Variants in ASPM observed in about 807,000 individuals in gnomAD.
ASPM encodes assembly factor for spindle microtubules, also known as abnormal spindle-like microcephaly-associated protein.
Under a neutral mutation model 366.4 loss-of-function variants are expected in ASPM, and 256 were observed. That is an observed-to-expected ratio of 0.70 (90% confidence interval 0.63 to 0.77). The LOEUF (loss-of-function observed/expected upper bound fraction) is 0.77, where lower values mean the gene tolerates loss of function less well. Among genes scored for constraint, ASPM ranks in the 30% least tolerant of loss-of-function variants. The pLI is 0.00. For synonymous variants in ASPM, 1,414 were observed against 1,342.9 expected, an observed-to-expected ratio of 1.05 and a Z score of -1.16; for missense variants, 4,146 against 4,090.4, an observed-to-expected ratio of 1.01 and a Z score of -0.37.
At chr1:197,108,976 A>C (rs1657497515) in intron 17 of ASPM, among the ~76,000 whole-genome samples, 1 of 150,628 alleles carries the variant, frequency 6.6e-6, no homozygotes, top group Non-Finnish European at 1.5e-5. Context: ...GTCTCCAAAA[A>C]AAAAAAAAAA....
At position 197,090,303 on chromosome 1, in the gene ASPM, C is replaced by T; in HGVS notation, c.9722G>A (p.Arg3241Lys). The T allele has an allele frequency of 6.2e-7, 1 of 1,612,884 alleles. No individual in the cohort carries two copies. Among genetic ancestry groups the T allele is most frequent in the Non-Finnish European group, 8.5e-7 (1 of 1,179,292 alleles). ...AIRLSLQVVNREIREENKLYK... is the reference protein window; with the variant it reads ...AIRLSLQVVNKEIREENKLYK... ...GAGTTTGTTTTCTTCTCGAATCTCC[C>T]TATTAACAACTTGAAGACTTAGTCG... The change falls in exon 24 of 28, where the codon AGG (arginine) becomes AAG (lysine). Residue 3241 changes from arginine to lysine, a missense_variant. By Grantham distance (26) the Arg-to-Lys change is conservative. Transcript: ENST00000367409.
In ASPM at chr1:197,129,971, T is replaced by C. The variant is rs1658211899; in HGVS notation, c.2573A>G (p.Asn858Ser). 6.2e-7 allele frequency: 1 copy of C among 1,613,866 alleles called. No homozygotes were observed. Among genetic ancestry groups the C allele is most frequent in the Admixed American group, 1.7e-5 (1 of 59,998 alleles). Reference sequence around the variant, plus strand: ...TCTATACTCAGCTGCTATATCAGGATTCCAAAGTAGGCGATTCAGAATAAA... The same window carrying C: ...TCTATACTCAGCTGCTATATCAGGACTCCAAAGTAGGCGATTCAGAATAAA... ...AMFILNRLLWNPDIAAEYRHP... is the reference protein window; with the variant it reads ...AMFILNRLLWSPDIAAEYRHP... The change falls in exon 8 of 28, where the codon AAT becomes AGT. Residue 858 changes from asparagine to serine, a missense_variant. By Grantham distance (46) the Asn-to-Ser change is conservative (BLOSUM62 1). This residue lies in a region of ASPM where 3,624 missense variants were observed against 3,591.7 expected (regional missense o/e 1.01). Transcript: ENST00000367409.
intron 13 of ASPM, among the ~76,000 whole-genome samples, chr1:197,122,979 A>G (rs1366405328): frequency 6.6e-6 from 1 of 152,196 alleles, no homozygotes; most frequent in Non-Finnish European, 1.5e-5. Flanking sequence ...GAGGAGAAAT[A>G]TAAGGTTAGT....
Position 197,102,912 on chromosome 1 carries a change from AAT to A in ASPM, c.6337_6338del (p.Ile2113SerfsTer11), listed in dbSNP as rs199422169. 8.7e-6 allele frequency: 14 copies of A among 1,612,604 alleles called. No individual in the cohort carries two copies. The highest frequency in any genetic ancestry group is 1.1e-5 in the Non-Finnish European group (13 of 1,179,268). ...AAGTGGCTGCCCTGTGCATGTGTTGAATATGTCTTCTAACTCTAATACCTCTA... is the reference window on the plus strand; with the variant it reads ...AAGTGGCTGCCCTGTGCATGTGTTGAATGTCTTCTAACTCTAATACCTCTA... ...VYRGIRVRRH[I>X]QHMHRAATFI... On this transcript the variant is annotated frameshift_variant, in exon 18 of 28. Transcript: ENST00000367409. LOFTEE classifies it high-confidence loss of function.
At chr1:197,097,982 G>A (rs1030907967) in intron 18 of ASPM, among the ~76,000 whole-genome samples, 1 of 147,036 alleles carries the variant, frequency 6.8e-6, no homozygotes, top group Non-Finnish European at 1.5e-5. Context: ...ATATACGTGT[G>A]TGTATATATA....
intron 7 of ASPM, among the ~76,000 whole-genome samples, chr1:197,130,635 G>A (rs1658228643): frequency 6.6e-6 from 1 of 152,020 alleles, no homozygotes; most frequent in Non-Finnish European, 1.5e-5. Flanking sequence ...AAAGATTAAA[G>A]CATGGAAAAG....
At chr1:197,121,019 C>T (rs1657891813) in intron 16 of ASPM, among the ~76,000 whole-genome samples, 1 of 152,054 alleles carries the variant, frequency 6.6e-6, no homozygotes, top group Admixed American at 6.6e-5. Flanking sequence ...ACACAGCTAC[C>T]AAGAACTTTA....
chr1:197,132,210 TAATAA>T, intron 7 of ASPM, 70 bp downstream of exon 7: 1 of 1,144,504 alleles, frequency 8.7e-7, no homozygotes, highest in South Asian at 1.6e-5. Flanking sequence ...AACTACATTG[TAATAA>T]AATGAGTCTA....
chr1:197,111,119 A>G (rs1657570610), intron 17 of ASPM, among the ~76,000 whole-genome samples: 1 of 152,208 alleles, frequency 6.6e-6, no homozygotes, highest in African/African-American at 2.4e-5. Flanking sequence ...GATTCTGCAC[A>G]GCAAAATAAA....
Position 197,084,431 on chromosome 1 carries a change from TAAA to T in ASPM, c.10332-8_10332-6del, listed in dbSNP as rs200839523. On this transcript the variant is annotated splice_polypyrimidine_tract_variant and splice_region_variant and intron_variant, in intron 27 of 27. Coordinates refer to ENST00000367409, the MANE Select transcript of ASPM (RefSeq NM_018136.5). ...AAAACCCAATCTGGCTTAAGTCTGT[TAAA>T]AAAAAAAAAAAAGTCTGGCATTAAT... The T allele has an allele frequency of 8.5e-5, 120 of 1,409,634 alleles. No homozygotes were observed. The highest frequency in any genetic ancestry group is 1.1e-4 in the South Asian group (9 of 83,548). 87.3% of individuals were successfully genotyped at this position (1,409,634 alleles called of 1,614,324 possible).
In ASPM at chr1:197,101,690, T is replaced by C; in HGVS notation, c.7561A>G (p.Lys2521Glu). Residue 2521 changes from lysine to glutamate, a missense_variant, in exon 18 of 28, where the codon AAA becomes GAA. By Grantham distance (56) the Lys-to-Glu change is moderately conservative (BLOSUM62 1). This residue lies in a region of ASPM where 3,624 missense variants were observed against 3,591.7 expected (regional missense o/e 1.01). Transcript: ENST00000367409. Reference sequence around the variant, plus strand: ...CTGATATAATTTTCTCTTTGTAATTTTGCAGCTCTATATGTTCGATAATGT... The same window carrying C: ...CTGATATAATTTTCTCTTTGTAATTCTGCAGCTCTATATGTTCGATAATGT... ...QQHYRTYRAA[K>E]LQRENYIRQW... 6.2e-7 allele frequency: 1 copy of C among 1,612,226 alleles called. No individual in the cohort carries two copies. Among genetic ancestry groups the C allele is most frequent in the Non-Finnish European group, 8.5e-7 (1 of 1,179,062 alleles).
Position 197,143,370 on chromosome 1 carries a change from A to C in ASPM, c.882T>G (p.Ser294Arg), listed in dbSNP as rs779792719. 4 of 1,613,790 alleles carry C rather than the reference A, an allele frequency of 2.5e-6. No individual in the cohort carries two copies. The highest frequency in any genetic ancestry group is 1.3e-5 in the African/African-American group (1 of 74,934). Residue 294 changes from serine to arginine, a missense_variant, in exon 3 of 28, where the codon AGT becomes AGG. Transcript: ENST00000367409. Reference sequence around the variant, plus strand: ...AACAGTTGGGGGTAAGACTAAGTTTACTATTCTCTCCTCTTTGGCCATTAA... The same window carrying C: ...AACAGTTGGGGGTAAGACTAAGTTTCCTATTCTCTCCTCTTTGGCCATTAA... The part of the protein sequence containing the change: ...VNVNGQRGEN[S>R]KLSLTPNCSS...
chr1:197,127,525 G>A (rs1029950083), intron 10 of ASPM, among the ~76,000 whole-genome samples: 23 of 152,118 alleles, frequency 1.5e-4, no homozygotes, highest in African/African-American at 5.3e-4. Context: ...TCCTTGATAA[G>A]GATATAATAT....
intron 12 of ASPM, among the ~76,000 whole-genome samples, 170 bp from the exon 13 acceptor site, chr1:197,124,501 A>G (rs1658022959): frequency 6.6e-6 from 1 of 152,076 alleles, no homozygotes; most frequent in South Asian, 2.1e-4. Context: ...TTTTAGTACA[A>G]AACAGTCGCT....
At chr1:197,091,780 G>T in intron 22 of ASPM, 127 bp downstream of exon 22, 1 of 943,482 alleles carries the variant, frequency 1.1e-6, no homozygotes, top group Non-Finnish European at 1.6e-6. Flanking sequence ...CATTGTAACA[G>T]CTATAAGGTG....
Position 197,102,773 on chromosome 1 carries a change from G to C in ASPM, c.6478C>G (p.Arg2160Gly). The C allele has an allele frequency of 6.2e-7, 1 of 1,612,304 alleles. No individual in the cohort carries two copies. The highest frequency in any genetic ancestry group is 8.5e-7 in the Non-Finnish European group (1 of 1,179,158). Residue 2160 changes from arginine (R) to glycine (G), a missense_variant, in exon 18 of 28, where the codon CGT (arginine) becomes GGT (glycine). This residue lies in a region of ASPM where 3,624 missense variants were observed against 3,591.7 expected (regional missense o/e 1.01). Coordinates refer to ENST00000367409, the MANE Select transcript of ASPM (RefSeq NM_018136.5). Reference protein sequence around the residue: ...CRAYYQGKMQREKYLTILKAV... With the variant: ...CRAYYQGKMQGEKYLTILKAV... ...TTCAAAATTGTCAGGTACTTTTCACGCTGCATTTTACCTTGATAATATGCT... is the reference window on the plus strand; with the variant it reads ...TTCAAAATTGTCAGGTACTTTTCACCCTGCATTTTACCTTGATAATATGCT...
rs751092956 is a variant in ASPM, at chr1:197,133,357, T to C, written c.2412A>G (p.Lys804=). The change falls in exon 6 of 28, where the codon AAA becomes AAG. Residue 804 remains lysine, a synonymous_variant. Transcript: ENST00000367409. ...LIVRKDRHLW[K]DVGERQKVLN... The stretch of plus-strand genomic sequence containing the variant: ...TTTCTGCAGTCTTCTTACCCACATC[T>C]TTCCATAGGTGTCTATCTTTTCGAA... 6.2e-7 allele frequency: 1 copy of C among 1,612,638 alleles called. No individual in the cohort carries two copies. Among genetic ancestry groups the C allele is most frequent in the Non-Finnish European group, 8.5e-7 (1 of 1,179,336 alleles).
rs1372699209 is a variant in ASPM at position 197,090,372 on chromosome 1, T to A, written c.9653A>T (p.Tyr3218Phe). 3 of 1,609,756 alleles carry A rather than the reference T, an allele frequency of 1.9e-6. No individual in the cohort carries two copies. The highest frequency in any genetic ancestry group is 2.5e-6 in the Non-Finnish European group (3 of 1,177,300). ...IIKIQALWRG[Y>F]SWRKKNDCTK... ...ACAATCATTTTTCTTCCTCCAAGAATAGCCTCTCCATAATGCCTTAAAGAG... is the reference window on the plus strand; with the variant it reads ...ACAATCATTTTTCTTCCTCCAAGAAAAGCCTCTCCATAATGCCTTAAAGAG... Residue 3218 changes from tyrosine (Y) to phenylalanine (F), a missense_variant, in exon 24 of 28, where the codon TAT (tyrosine) becomes TTT (phenylalanine). Transcript: ENST00000367409.
rs1404959684 is a variant in ASPM, at chr1:197,093,101, G to T, written c.9245C>A (p.Ser3082Tyr). ...CACCAGTGCTTGTAGGATAACTGTA[G>T]ATTTTTTAAATTCAATATATTTTAT... ...ERIKYIEFKK[S>Y]TVILQALVRG... The change falls in exon 21 of 28, where the codon TCT becomes TAT. Residue 3082 changes from serine to tyrosine, a missense_variant. Around this residue, in one of 3 missense-constraint regions of ASPM, gnomAD observed 3,624 missense variants for 3,591.7 expected, o/e 1.01. Transcript: ENST00000367409. 2.5e-6 allele frequency: 4 copies of T among 1,611,994 alleles called. No individual in the cohort carries two copies. The East Asian group carries it at 8.9e-5, about 36-fold the overall frequency.
Sources: gnomAD v4.1 joint callset for allele counts (sites outside exome capture counted in the v4.1 genomes callset) on GRCh38, gnomAD v4.1.1 for gene constraint, gnomAD v4.1.1 regional missense constraint, MANE v1.5 for transcripts, NCBI Gene and HGNC (gene_info 2026-07-23, HGNC 2026-07-21) for gene names.